FNBP4: variants seen among roughly 807,000 people sequenced by gnomAD.
FNBP4 encodes the protein formin binding protein 4.
FNBP4 carries 34 observed loss-of-function variants against 119.3 expected under a neutral mutation model. The ratio of observed to expected loss-of-function variants is 0.28; its 90% CI spans 0.22 to 0.38. The LOEUF (loss-of-function observed/expected upper bound fraction) is 0.38. FNBP4 is among the 10% of genes least tolerant of loss of function. FNBP4 has a pLI of 1.00. For missense variants in FNBP4, 1,112 were observed against 1,228.9 expected (o/e 0.90, Z 1.42); for synonymous variants, 462 against 430.6 (o/e 1.07, Z -0.90).
intron 8 of FNBP4, among the ~76,000 whole-genome samples, chr11:47,741,320 C>A (rs918594769): frequency 6.6e-6 from 1 of 151,524 alleles, no homozygotes; most frequent in African/African-American, 2.4e-5. Context: ...TATCCGTGTG[C>A]CACCACACTG....
chr11:47,723,985 GA>G, intron 14 of FNBP4, 42 bp downstream of exon 14: 1 of 1,566,654 alleles, frequency 6.4e-7, no homozygotes, highest in Non-Finnish European at 8.6e-7. Flanking sequence ...GAAAAGAAAA[GA>G]AACAATACAT....
At chr11:47,729,450 AG>A in intron 12 of FNBP4, 2 of 985,390 alleles carry the variant, frequency 2.0e-6, no homozygotes, top group South Asian at 9.4e-5. Context: ...AAAATGACTT[AG>A]AAAAATAAAT....
intron 15 of FNBP4, among the ~76,000 whole-genome samples, chr11:47,721,495 C>A (rs955824864): frequency 2.6e-4 from 39 of 151,882 alleles, no homozygotes; most frequent in Non-Finnish European, 4.4e-5. Flanking sequence ...CCCAGCTACT[C>A]AGGAGACTGA....
At chr11:47,764,274 G>T (rs1354298539) in intron 2 of FNBP4, among the ~76,000 whole-genome samples, 1 of 152,076 alleles carries the variant, frequency 6.6e-6, no homozygotes, top group Non-Finnish European at 1.5e-5. Context: ...TAGAGATGGG[G>T]TTTCACCATG....
At chr11:47,718,050 C>T (rs534961374) in intron 16 of FNBP4, among the ~76,000 whole-genome samples, 26 of 151,912 alleles carry the variant, frequency 1.7e-4, no homozygotes, top group African/African-American at 4.8e-4. Flanking sequence ...CCACCGTGCC[C>T]GGCCTTATTT....
chr11:47,747,985 GT>G (rs2097594152), intron 6 of FNBP4, among the ~76,000 whole-genome samples: 1 of 151,896 alleles, frequency 6.6e-6, no homozygotes. Flanking sequence ...GCTCATGCCC[GT>G]AATCCCAGCA....
Position 47,724,084 on chromosome 11 carries a change from C to A in FNBP4, c.2408G>T (p.Arg803Met), listed in dbSNP as rs889278751. Residue 803 changes from arginine (R) to methionine (M), a missense_variant, in exon 14 of 17, where the codon AGG (arginine) becomes ATG (methionine). Arg to Met is a moderately conservative substitution (Grantham distance 91, BLOSUM62 -1). Around this residue, in one of 2 missense-constraint regions of FNBP4, gnomAD observed 826 missense variants for 988.8 expected, o/e 0.84. Transcript: ENST00000263773. ...ATEISTAVVQ[R>M]SATIGSSPVL... ...TGGAGAACTGCCAATGGTAGCTGAC[C>A]TCTGAACCACTGCAGTGCTAATTTC... The A allele has an allele frequency of 2.5e-6, 4 of 1,614,058 alleles. No homozygotes were observed. Among genetic ancestry groups the A allele is most frequent in the Non-Finnish European group, 2.5e-6 (3 of 1,180,030 alleles).
chr11:47,723,166 A>G lies in FNBP4; in HGVS notation c.2615T>C (p.Met872Thr), dbSNP rs566661800. The G allele has an allele frequency of 5.5e-4, 882 of 1,613,774 alleles. 7 individuals are homozygous for G. In the South Asian group the frequency reaches 9.3e-3, roughly 17 times the overall value. Residue 872 changes from methionine to threonine, a missense_variant, in exon 15 of 17, where the codon ATG (methionine) becomes ACG (threonine). Transcript: ENST00000263773. ...TGGGACAGAACATTCTGCATAACTCATAATTGCAGGTGCTGCCGCTAGTCC... is the reference window on the plus strand; with the variant it reads ...TGGGACAGAACATTCTGCATAACTCGTAATTGCAGGTGCTGCCGCTAGTCC... Reference protein sequence around the residue: ...YLGLAAAPAIMSYAECSVPIG... With the variant: ...YLGLAAAPAITSYAECSVPIG...
chr11:47,766,550 AACC>A (rs2097648100), intron 1 of FNBP4, among the ~76,000 whole-genome samples: 1 of 152,216 alleles, frequency 6.6e-6, no homozygotes, highest in African/African-American at 2.4e-5. Flanking sequence ...CTCCAGTGAG[AACC>A]ACACAAATAC....
chr11:47,751,305 A>C lies in FNBP4; in HGVS notation c.638-15T>G. ...CTCAATTCCGACTAGAAGATAAAAC[A>C]AATTTTAAGCACAAATCCCTCTACA... is the stretch of plus-strand genomic sequence containing the variant. On this transcript the variant is annotated splice_polypyrimidine_tract_variant and intron_variant, in intron 4 of 16. Transcript: ENST00000263773. The C allele has an allele frequency of 1.2e-6, 2 of 1,613,764 alleles. No homozygotes were observed. The highest frequency in any genetic ancestry group is 1.7e-6 in the Non-Finnish European group (2 of 1,179,810).
At chr11:47,754,023 G>C (rs1348710183) in intron 3 of FNBP4, among the ~76,000 whole-genome samples, 2 of 148,242 alleles carry the variant, frequency 1.3e-5, no homozygotes, top group Admixed American at 6.8e-5. Flanking sequence ...TGGCCAACAT[G>C]GTGAAACCCC....
intron 2 of FNBP4, among the ~76,000 whole-genome samples, chr11:47,764,471 AT>A (rs752884719): frequency 6.6e-5 from 10 of 151,918 alleles, no homozygotes; most frequent in Non-Finnish European, 1.3e-4. Flanking sequence ...TAGTTCTGAA[AT>A]TTCTCTCACA....
chr11:47,745,515 G>T (rs1052237032), intron 7 of FNBP4, among the ~76,000 whole-genome samples: 1 of 152,008 alleles, frequency 6.6e-6, no homozygotes. Flanking sequence ...TAAGTCTGTG[G>T]TCAGACTGAT....
At chr11:47,743,919 T>A in intron 8 of FNBP4, 34 bp downstream of exon 8, 1 of 1,585,354 alleles carries the variant, frequency 6.3e-7, no homozygotes. Context: ...TCTATATCTT[T>A]CAACTCTGAA....
chr11:47,736,715 T>G lies in FNBP4; in HGVS notation c.1482A>C (p.Lys494Asn), dbSNP rs753108550. 1 of 1,602,210 alleles carries G rather than the reference T, an allele frequency of 6.2e-7. No homozygotes were observed. The highest frequency in any genetic ancestry group is 1.3e-5 in the African/African-American group (1 of 74,558). ...TCTCTTTATCTGAATTCTCATCTAT[T>G]TTTTCTGAATTTTCAGCACCAATTG... ...ETAIGAENSE[K>N]IDENSDKEME... The change falls in exon 9 of 17, where the codon AAA (lysine) becomes AAC (asparagine). Residue 494 changes from lysine to asparagine, a missense_variant. Transcript: ENST00000263773.
rs539400773 is a variant in FNBP4, at chr11:47,741,330, G to A, written c.1456+2623C>T. Among the ~76,000 whole-genome samples, 8 of 151,582 alleles carry A rather than the reference G, an allele frequency of 5.3e-5. No individual in the cohort carries two copies. In the East Asian group the frequency reaches 1.3e-3, roughly 26 times the overall value. ...GATTATATCCGTGTGCCACCACACT[G>A]GCTAATTTTTAAAAAACATTTTAGA... On this transcript the variant is annotated intron_variant, in intron 8 of 16. Coordinates refer to ENST00000263773, the MANE Select transcript of FNBP4 (RefSeq NM_015308.5).
Position 47,716,500 on chromosome 11 carries a change from A to G in FNBP4, c.*922T>C, listed in dbSNP as rs1249204255. On this transcript the variant is annotated 3_prime_UTR_variant, in exon 17 of 17. Transcript: ENST00000263773. ...ATAATCAGAATAACAGGAGTTGACG[A>G]GCAAAAGGATAACCCATCAGGATTA... 6.6e-6 allele frequency: 1 copy of G among 152,654 alleles called. No individual in the cohort carries two copies. Among genetic ancestry groups the G allele is most frequent in the African/African-American group, 2.4e-5 (1 of 41,450 alleles). The allele number at this position is 152,654 out of a possible 1,614,324, so 9.5% of individuals were successfully genotyped here. A position where few individuals can be genotyped will look rare whatever the true frequency, so the allele number is the denominator to read the frequency against.
At position 47,731,375 on chromosome 11, in the gene FNBP4, T is replaced by C; in HGVS notation, c.2007A>G (p.Thr669=). The C allele has an allele frequency of 6.2e-7, 1 of 1,609,210 alleles. No individual in the cohort carries two copies. The highest frequency in any genetic ancestry group is 8.5e-7 in the Non-Finnish European group (1 of 1,178,402). The change falls in exon 12 of 17, where the codon ACA becomes ACG. Residue 669 remains threonine, a splice_region_variant and synonymous_variant. Coordinates refer to ENST00000263773, the MANE Select transcript of FNBP4 (RefSeq NM_015308.5). ...SNSTESSETS[T]GSLCKESFSG... ...TTAGTACAAGGTAAATTGTCTCACC[T>C]GTGGAAGTTTCAGAGGATTCTGTTG...
Position 47,750,964 on chromosome 11 carries a change from A to C in FNBP4, c.858T>G (p.Val286=), listed in dbSNP as rs751866272. 6.2e-7 allele frequency: 1 copy of C among 1,614,058 alleles called. No homozygotes were observed. Among genetic ancestry groups the C allele is most frequent in the Non-Finnish European group, 8.5e-7 (1 of 1,179,982 alleles). ...TGACTGGTCCACTTTTACTACTGGAAACAGAAATCGTTTTCTCCTTAGAAT... is the reference window on the plus strand; with the variant it reads ...TGACTGGTCCACTTTTACTACTGGACACAGAAATCGTTTTCTCCTTAGAAT... ...DIYSKEKTIS[V]SSSKSGPVIA... The change falls in exon 6 of 17, where the codon GTT becomes GTG. Residue 286 remains valine, a synonymous_variant. Coordinates refer to ENST00000263773, the MANE Select transcript of FNBP4 (RefSeq NM_015308.5).
Sources: gnomAD v4.1 joint callset for allele counts (sites outside exome capture counted in the v4.1 genomes callset) on GRCh38, gnomAD v4.1.1 for gene constraint, gnomAD v4.1.1 regional missense constraint, MANE v1.5 for transcripts, NCBI Gene and HGNC (gene_info 2026-07-23, HGNC 2026-07-21) for gene names.